RAB22A: variants seen among roughly 807,000 people sequenced by gnomAD.
The protein encoded by RAB22A is RAB22A, member RAS oncogene family.
Under a neutral mutation model 30.2 loss-of-function variants are expected in RAB22A, and 13 were observed. That is an observed-to-expected ratio of 0.43 (90% CI 0.28 to 0.68). RAB22A has a LOEUF of 0.68. RAB22A is among the 30% of genes least tolerant of loss of function. The probability of loss-of-function intolerance (pLI) is 0.18; values close to 1 mark genes in which losing one functional copy is unlikely to be tolerated. For missense variants in RAB22A, 177 were observed against 246.8 expected (o/e 0.72, Z 1.89); for synonymous variants, 89 against 87.2 (o/e 1.02, Z -0.11).
intron 2 of RAB22A, among the ~76,000 whole-genome samples, chr20:58,315,561 C>CG (rs3838011): frequency 0.73 from 110,187 of 151,772 alleles, 40,281 homozygotes; most frequent in East Asian, 0.86. Context: ...GAGGTTGGGG[C>CG]GGGGGGTCAT....
intron 2 of RAB22A, among the ~76,000 whole-genome samples, chr20:58,320,888 T>C (rs1486656002): frequency 6.6e-6 from 1 of 152,118 alleles, no homozygotes; most frequent in African/African-American, 2.4e-5. Flanking sequence ...AAACCCTGTC[T>C]CTGCTAAAAA....
chr20:58,338,339 C>A lies in RAB22A; in HGVS notation c.117-5379C>A, dbSNP rs1788716799. Among the ~76,000 whole-genome samples the A allele has an allele frequency of 2.6e-5, 4 of 152,112 alleles. No homozygotes were observed. In the South Asian group the frequency reaches 8.3e-4, roughly 31 times the overall value. On this transcript the variant is annotated intron_variant, in intron 2 of 6. Transcript: ENST00000244040. ...CCGTGCCCAGCCTGTTTAAAGAAAT[C>A]TTTTCCTTGATTTTAAATATTTTCC...
intron 3 of RAB22A, among the ~76,000 whole-genome samples, chr20:58,350,376 A>T (rs1365528731): frequency 1.3e-5 from 2 of 152,268 alleles, no homozygotes; most frequent in Non-Finnish European, 2.9e-5. Context: ...GGAAACAGAA[A>T]AAAAGATTTC....
At chr20:58,325,452 G>A (rs1365603997) in intron 2 of RAB22A, among the ~76,000 whole-genome samples, 1 of 152,192 alleles carries the variant, frequency 6.6e-6, no homozygotes, top group Non-Finnish European at 1.5e-5. Flanking sequence ...ACTGCAGCCT[G>A]GGTGAGAGAG....
chr20:58,331,074 C>T, intron 2 of RAB22A, among the ~76,000 whole-genome samples: 1 of 152,300 alleles, frequency 6.6e-6, no homozygotes, highest in East Asian at 1.9e-4. Context: ...TCACTTTCTT[C>T]CTCTCTTACT....
chr20:58,354,030 A>C, intron 5 of RAB22A, 126 bp from the exon 6 acceptor site: 1 of 605,798 alleles, frequency 1.7e-6, no homozygotes, highest in Non-Finnish European at 2.9e-6. Context: ...ACCATGTCTC[A>C]GGGCCCATCC....
chr20:58,321,902 G>A (rs1986468185), intron 2 of RAB22A, among the ~76,000 whole-genome samples: 1 of 152,172 alleles, frequency 6.6e-6, no homozygotes. Flanking sequence ...CCAGACTCAA[G>A]TGATCCTCCT....
chr20:58,341,452 A>G (rs1447095727), intron 2 of RAB22A, among the ~76,000 whole-genome samples: 1 of 152,150 alleles, frequency 6.6e-6, no homozygotes, highest in Non-Finnish European at 1.5e-5. Context: ...AAGACAGGCA[A>G]GGAGGCTAGA....
At chr20:58,356,311 C>CA (rs199550503) in intron 6 of RAB22A, among the ~76,000 whole-genome samples, 1,853 of 91,156 alleles carry the variant, frequency 0.02, 24 homozygotes, top group African/African-American at 0.059. Context: ...GACTCCATCT[C>CA]AAAAAAAAAA....
chr20:58,332,375 A>G (rs1986676697), intron 2 of RAB22A, among the ~76,000 whole-genome samples: 1 of 152,182 alleles, frequency 6.6e-6, no homozygotes, highest in Admixed American at 6.5e-5. Context: ...AGCTCAGAGC[A>G]AACTCTTCAC....
intron 5 of RAB22A, among the ~76,000 whole-genome samples, chr20:58,353,923 C>G (rs1464828093): frequency 6.6e-6 from 1 of 152,166 alleles, no homozygotes; most frequent in Non-Finnish European, 1.5e-5. Flanking sequence ...GGAAGAAAAC[C>G]CTGCCATCCC....
intron 6 of RAB22A, among the ~76,000 whole-genome samples, chr20:58,356,030 G>A (rs768343564): frequency 6.6e-6 from 1 of 152,114 alleles, no homozygotes; most frequent in Non-Finnish European, 1.5e-5. Flanking sequence ...AGGAAAGTAG[G>A]CCAGACATGG....
chr20:58,332,819 A>G (rs1377159299), intron 2 of RAB22A, among the ~76,000 whole-genome samples: 1 of 152,114 alleles, frequency 6.6e-6, no homozygotes, highest in Non-Finnish European at 1.5e-5. Flanking sequence ...ATCATAGTCA[A>G]ACTGCTGATA....
chr20:58,342,687 C>G (rs1986876423), intron 2 of RAB22A, among the ~76,000 whole-genome samples: 1 of 151,478 alleles, frequency 6.6e-6, no homozygotes, highest in Non-Finnish European at 1.5e-5. Context: ...TACTTGGTTC[C>G]AGAAGTCTTA....
chr20:58,354,229 A>G lies in RAB22A; in HGVS notation c.451A>G (p.Asn151Asp), dbSNP rs770803158. The G allele has an allele frequency of 1.2e-6, 2 of 1,613,788 alleles. No homozygotes were observed. Among genetic ancestry groups the G allele is most frequent in the South Asian group, 2.2e-5 (2 of 91,070 alleles). ...AATTTTTGTAGAGACCAGCGCAAAA[A>G]ACGCGATAAACATAAATGAACTCTT... is the stretch of plus-strand genomic sequence containing the variant. ...HAIFVETSAK[N>D]AININELFIE... The change falls in exon 6 of 7, where the codon AAC becomes GAC. Residue 151 changes from asparagine to aspartate, a missense_variant. Physicochemically the swap from Asn to Asp is conservative, Grantham distance 23 (BLOSUM62 1). Transcript: ENST00000244040.
rs3069388 is a variant in RAB22A, at chr20:58,359,495, CTTTTTTT to C, written c.488-99_488-93del. 3.6e-4 allele frequency: 121 copies of C among 333,014 alleles called. No individual in the cohort carries two copies. The South Asian group carries it at 4.7e-3, about 13-fold the overall frequency. The allele number at this position is 333,014 out of a possible 1,614,324, so 20.6% of individuals were successfully genotyped here. A position where few individuals can be genotyped will look rare whatever the true frequency, so the allele number is the denominator to read the frequency against. ...ATTCGAGTATAAAAAGTTTATTAAACTTTTTTTTTTTTTTTTTTACTTCAGTGAAACC... is the reference window on the plus strand; with the variant it reads ...ATTCGAGTATAAAAAGTTTATTAAACTTTTTTTTTTTACTTCAGTGAAACC... On this transcript the variant is annotated intron_variant, in intron 6 of 6. Transcript: ENST00000244040.
intron 2 of RAB22A, among the ~76,000 whole-genome samples, chr20:58,329,487 G>A (rs939661770): frequency 1.3e-5 from 2 of 152,050 alleles, no homozygotes; most frequent in Admixed American, 1.3e-4. Flanking sequence ...CCTTCATATT[G>A]TTACCCTATA....
At chr20:58,310,239 G>C (rs1337428765) in intron 1 of RAB22A, among the ~76,000 whole-genome samples, 1 of 152,084 alleles carries the variant, frequency 6.6e-6, no homozygotes, top group Non-Finnish European at 1.5e-5. Context: ...TGGAGCCCGT[G>C]GACTCTTCCC....
At chr20:58,316,760 T>C (rs1489063608) in intron 2 of RAB22A, among the ~76,000 whole-genome samples, 3 of 152,224 alleles carry the variant, frequency 2.0e-5, no homozygotes, top group Non-Finnish European at 4.4e-5. Flanking sequence ...TGTCCATGTA[T>C]GTCACTGAGC....
Sources: gnomAD v4.1 joint callset for allele counts (sites outside exome capture counted in the v4.1 genomes callset) on GRCh38, gnomAD v4.1.1 for gene constraint, MANE v1.5 for transcripts, NCBI Gene and HGNC (gene_info 2026-07-23, HGNC 2026-07-21) for gene names.